Variants in DERA observed in about 807,000 individuals in gnomAD.
DERA encodes deoxyribose-phosphate aldolase.
In DERA, 15 loss-of-function variants were observed where a neutral mutation model predicts 41.1. That is an observed-to-expected ratio of 0.37 (90% confidence interval 0.24 to 0.56). DERA has a LOEUF of 0.56. DERA is among the 20% of genes least tolerant of loss of function. The pLI, the probability that DERA is intolerant of heterozygous loss-of-function variation, is 0.81. For missense variants in DERA, 396 were observed against 403.4 expected, an observed-to-expected ratio of 0.98 and a Z score of 0.16; for synonymous variants, 139 against 137.4, an observed-to-expected ratio of 1.01 and a Z score of -0.08.
chr12:15,957,386 C>T lies in DERA; in HGVS notation c.129+353C>T, dbSNP rs1948548002. Reference sequence around the variant, plus strand: ...TAATTTTAAAGCCCTAACATCTAAACTTGATGTGTCCACTGTTGAGGCCCT... The same window carrying T: ...TAATTTTAAAGCCCTAACATCTAAATTTGATGTGTCCACTGTTGAGGCCCT... On this transcript the variant is annotated intron_variant, in intron 2 of 8. Coordinates refer to ENST00000428559, the MANE Select transcript of DERA (RefSeq NM_015954.4). This position sits in a 1 kb window ranked among gnomAD's most constrained non-coding sequence, Gnocchi z 4.8. 6.6e-6 allele frequency among the ~76,000 whole-genome samples: 1 copy of T among 152,194 alleles called. No homozygotes were observed. The highest frequency in any genetic ancestry group is 2.1e-4 in the South Asian group (1 of 4,832).
rs1948217038 is a variant in DERA at position 15,918,442 on chromosome 12, G to A, written c.31+7028G>A. ...TTGGCCCACTCTGGGCCATAGTGGT[G>A]CCCCCATTTCAACCCGGCTTGAATG... On this transcript the variant is annotated intron_variant, in intron 1 of 8. Transcript: ENST00000428559. The surrounding 1 kb of genome is among the most constrained non-coding windows in gnomAD (Gnocchi z 4.3). Among the ~76,000 whole-genome samples, 1 of 152,136 alleles carries A rather than the reference G, an allele frequency of 6.6e-6. No individual in the cohort carries two copies. The highest frequency in any genetic ancestry group is 6.5e-5 in the Admixed American group (1 of 15,284).
rs1393111587 is a variant in DERA at position 15,913,058 on chromosome 12, C to T, written c.31+1644C>T. Among the ~76,000 whole-genome samples the T allele has an allele frequency of 6.6e-6, 1 of 152,134 alleles. No individual in the cohort carries two copies. The highest frequency in any genetic ancestry group is 1.5e-5 in the Non-Finnish European group (1 of 68,024). On this transcript the variant is annotated intron_variant, in intron 1 of 8. Coordinates refer to ENST00000428559, the MANE Select transcript of DERA (RefSeq NM_015954.4). The surrounding 1 kb of genome is among the most constrained non-coding windows in gnomAD (Gnocchi z 4.5). ...TACCTGGGTATTCCCAGGAATATGA[C>T]CATGTGACTATGCATACATCAAGGA... is the stretch of plus-strand genomic sequence containing the variant.
intron 1 of DERA, among the ~76,000 whole-genome samples, chr12:15,944,699 A>C (rs968579810): frequency 2.0e-5 from 3 of 152,120 alleles, no homozygotes; most frequent in Non-Finnish European, 4.4e-5. Flanking sequence ...CTCTAATGGT[A>C]GTTTCTTTTG....
chr12:16,029,620 C>G (rs1196982008), intron 6 of DERA, among the ~76,000 whole-genome samples: 1 of 151,726 alleles, frequency 6.6e-6, no homozygotes, highest in Non-Finnish European at 1.5e-5. Flanking sequence ...ATTTATTGAG[C>G]TTCTCCTGTG....
rs1399067716 is a variant in DERA, at chr12:15,994,230, T to C, written c.637+11794T>C. Among the ~76,000 whole-genome samples the C allele has an allele frequency of 6.6e-6, 1 of 152,228 alleles. No homozygotes were observed. Among genetic ancestry groups the C allele is most frequent in the Admixed American group, 6.5e-5 (1 of 15,290 alleles). The stretch of plus-strand genomic sequence containing the variant: ...TATGAGTACAGTGGCATCAATGATA[T>C]ATCTGTAATCAACTTGTATAGAAAC... On this transcript the variant is annotated intron_variant, in intron 6 of 8. Coordinates refer to ENST00000428559, the MANE Select transcript of DERA (RefSeq NM_015954.4). This position sits in a 1 kb window ranked among gnomAD's most constrained non-coding sequence, Gnocchi z 4.8.
intron 1 of DERA, among the ~76,000 whole-genome samples, chr12:15,949,006 G>C (rs1948474033): frequency 6.6e-6 from 1 of 152,212 alleles, no homozygotes; most frequent in Non-Finnish European, 1.5e-5. Context: ...AGAGGCTGCA[G>C]AACGGCGAAT....
chr12:15,934,383 G>A (rs1207588249), intron 1 of DERA, among the ~76,000 whole-genome samples: 3 of 152,026 alleles, frequency 2.0e-5, no homozygotes. Context: ...TCAGGAGATC[G>A]AGACCATCCT....
rs1948569240 is a variant in DERA, at chr12:15,959,802, T to C, written c.278-27T>C. 1 of 1,489,250 alleles carries C rather than the reference T, an allele frequency of 6.7e-7. No homozygotes were observed. 92.3% of individuals were successfully genotyped at this position (1,489,250 alleles called of 1,614,324 possible). On this transcript the variant is annotated intron_variant, in intron 3 of 8. Transcript: ENST00000428559. This position sits in a 1 kb window ranked among gnomAD's most constrained non-coding sequence, Gnocchi z 4.5. ...TGTATGAGTTGAACTTCATTGAAAG[T>C]TGGCTATTCCTATTTTTTCTTGATA... is the stretch of plus-strand genomic sequence containing the variant.
Position 16,022,982 on chromosome 12 carries a change from TC to T in DERA, c.638-9559del, listed in dbSNP as rs529988044. 3.7e-4 allele frequency among the ~76,000 whole-genome samples: 56 copies of T among 152,312 alleles called. No individual in the cohort carries two copies. The South Asian group carries it at 0.011, about 31-fold the overall frequency. The stretch of plus-strand genomic sequence containing the variant: ...GCATATTCCCTATAGTAAAGCCTAC[TC>T]TAGGACAAAATACTAAGTCTTTTCC... On this transcript the variant is annotated intron_variant, in intron 6 of 8. Coordinates refer to ENST00000428559, the MANE Select transcript of DERA (RefSeq NM_015954.4).
intron 7 of DERA, among the ~76,000 whole-genome samples, chr12:16,033,799 T>A (rs1404377198): frequency 6.6e-6 from 1 of 152,146 alleles, no homozygotes; most frequent in Admixed American, 6.6e-5. Flanking sequence ...TATACTGTTT[T>A]ATGAGAGGAA....
intron 6 of DERA, among the ~76,000 whole-genome samples, chr12:16,006,670 A>G (rs1009909909): frequency 6.6e-6 from 1 of 152,230 alleles, no homozygotes; most frequent in Non-Finnish European, 1.5e-5. Flanking sequence ...GTCTCTCAGC[A>G]TATGTGTCTG....
chr12:15,929,417 C>A (rs1474315785), intron 1 of DERA, among the ~76,000 whole-genome samples: 2 of 152,146 alleles, frequency 1.3e-5, no homozygotes, highest in African/African-American at 4.8e-5. Flanking sequence ...CAGATACTCC[C>A]AGACAGTGTT....
In DERA at chr12:16,035,672, GA is replaced by G. The variant is rs1157304801; in HGVS notation, c.751-552del. Among the ~76,000 whole-genome samples the G allele has an allele frequency of 1.3e-5, 2 of 151,912 alleles. No individual in the cohort carries two copies. Among genetic ancestry groups the G allele is most frequent in the East Asian group, 1.9e-4 (1 of 5,184 alleles). ...TAGAACTGTGTGTGCCTGCAACTTA[GA>G]AAAAAAATCCCACAGTTAAATTGGT... On this transcript the variant is annotated intron_variant, in intron 7 of 8. Transcript: ENST00000428559. This position sits in a 1 kb window ranked among gnomAD's most constrained non-coding sequence, Gnocchi z 4.1.
At position 16,019,768 on chromosome 12, in the gene DERA, A is replaced by G. The variant is rs149025005; in HGVS notation, c.638-12774A>G. On this transcript the variant is annotated intron_variant, in intron 6 of 8. Transcript: ENST00000428559. This position sits in a 1 kb window ranked among gnomAD's most constrained non-coding sequence, Gnocchi z 4.4. ...TAAAGTTATTTCTCTGATCCTTTGT[A>G]ATTCTTATTGATCATAATACTTACT... Among the ~76,000 whole-genome samples the G allele has an allele frequency of 6.6e-6, 1 of 152,210 alleles. No individual in the cohort carries two copies. The highest frequency in any genetic ancestry group is 1.9e-4 in the East Asian group (1 of 5,180).
rs1948695880 is a variant in DERA, at chr12:15,976,214, C to A, written c.509-6094C>A. On this transcript the variant is annotated intron_variant, in intron 5 of 8. Transcript: ENST00000428559. This position sits in a 1 kb window ranked among gnomAD's most constrained non-coding sequence, Gnocchi z 4.1. ...CAGTGAGATATCTTGCTCCCATTAT[C>A]CATTATCTTCAGTATATTCATCTTT... Among the ~76,000 whole-genome samples the A allele has an allele frequency of 6.6e-6, 1 of 152,108 alleles. No homozygotes were observed. The highest frequency in any genetic ancestry group is 2.4e-5 in the African/African-American group (1 of 41,418).
chr12:15,911,483 C>G lies in DERA; in HGVS notation c.31+69C>G. The G allele has an allele frequency of 1.5e-6, 2 of 1,362,764 alleles. No homozygotes were observed. Among genetic ancestry groups the G allele is most frequent in the East Asian group, 2.7e-5 (1 of 37,396 alleles). 84.4% of individuals were successfully genotyped at this position (1,362,764 alleles called of 1,614,324 possible). ...AGCGCCGCCGGGACTAGCGCGGGGC[C>G]TGCTGCCGCCCAGTGCCCTGGCTGT... On this transcript the variant is annotated intron_variant, in intron 1 of 8. Transcript: ENST00000428559. This position sits in a 1 kb window ranked among gnomAD's most constrained non-coding sequence, Gnocchi z 4.5.
Position 15,921,450 on chromosome 12 carries a change from C to T in DERA, c.31+10036C>T, listed in dbSNP as rs1435300569. On this transcript the variant is annotated intron_variant, in intron 1 of 8. Transcript: ENST00000428559. The surrounding 1 kb of genome is among the most constrained non-coding windows in gnomAD (Gnocchi z 5.3). ...CCGTTAATTTTCTGGTAGAAAAAAA[C>T]ATATTCATGTTTCCTTGAGATTATG... Among the ~76,000 whole-genome samples the T allele has an allele frequency of 6.6e-6, 1 of 152,066 alleles. No individual in the cohort carries two copies. The highest frequency in any genetic ancestry group is 1.5e-5 in the Non-Finnish European group (1 of 68,008).
chr12:16,022,512 C>T (rs1274794517), intron 6 of DERA, among the ~76,000 whole-genome samples: 1 of 152,236 alleles, frequency 6.6e-6, no homozygotes, highest in Admixed American at 6.5e-5. Flanking sequence ...TTTCCCCCCA[C>T]ACCTAATCTC....
Sources: gnomAD v4.1 joint callset for allele counts (sites outside exome capture counted in the v4.1 genomes callset) on GRCh38, gnomAD v4.1.1 for gene constraint, Gnocchi (gnomAD v3.1) non-coding constraint, MANE v1.5 for transcripts, NCBI Gene and HGNC (gene_info 2026-07-23, HGNC 2026-07-21) for gene names.